UPP2: variants seen among roughly 807,000 people sequenced by gnomAD.
The protein encoded by UPP2 is uridine phosphorylase 2, also known as UPase 2.
UPP2 carries 23 observed loss-of-function variants against 26.7 expected under a neutral mutation model. That is an observed-to-expected ratio of 0.86 (90% CI 0.62 to 1.22). The LOEUF (loss-of-function observed/expected upper bound fraction) is 1.22. Among genes scored for constraint, UPP2 ranks in the 50% most tolerant of loss-of-function variants. The pLI is 0.00. For synonymous variants in UPP2, 127 were observed against 141.3 expected (o/e 0.90, Z 0.72); for missense variants, 387 against 396.7 (o/e 0.98, Z 0.21).
chr2:158,115,575 C>G (rs1205167258), intron 3 of UPP2, among the ~76,000 whole-genome samples: 1 of 152,168 alleles, frequency 6.6e-6, no homozygotes, highest in African/African-American at 2.4e-5. Context: ...CTATCCCTTA[C>G]CCAGCTTTGG....
At chr2:158,086,628 G>C (rs1476105197) in intron 3 of UPP2, among the ~76,000 whole-genome samples, 1 of 151,932 alleles carries the variant, frequency 6.6e-6, no homozygotes, top group Non-Finnish European at 1.5e-5. Flanking sequence ...AGATATTTAA[G>C]GCTATGAACT....
At chr2:158,024,525 G>A (rs567470209) in intron 3 of UPP2, among the ~76,000 whole-genome samples, 135 of 152,280 alleles carry the variant, frequency 8.9e-4, no homozygotes, top group African/African-American at 3.0e-3. Context: ...TCAATTTGAA[G>A]AGCTCAGAGA....
At chr2:158,025,210 A>T (rs1048444721) in intron 3 of UPP2, among the ~76,000 whole-genome samples, 5 of 152,000 alleles carry the variant, frequency 3.3e-5, no homozygotes, top group African/African-American at 1.2e-4. Context: ...TCAAAAAAAA[A>T]AAAAAAAAAG....
rs537539338 is a variant in UPP2, at chr2:158,004,888, C to T, written c.61+9629C>T. Among the ~76,000 whole-genome samples, 3 of 152,086 alleles carry T rather than the reference C, an allele frequency of 2.0e-5. No individual in the cohort carries two copies. In the South Asian group the frequency reaches 6.2e-4, roughly 32 times the overall value. ...TAAAATGCCTGGCATAAAGCCAGCC[C>T]CTTTGCAGATGCTTGATAAATAGAA... On this transcript the variant is annotated intron_variant, in intron 2 of 9. Transcript: ENST00000605860.
chr2:158,000,783 G>A (rs974436475), intron 2 of UPP2, among the ~76,000 whole-genome samples: 8 of 152,234 alleles, frequency 5.3e-5, no homozygotes, highest in African/African-American at 1.7e-4. Context: ...TGTGAAATGA[G>A]CTCCTTGCAG....
intron 3 of UPP2, among the ~76,000 whole-genome samples, chr2:158,024,121 C>A (rs567457202): frequency 4.8e-4 from 73 of 152,184 alleles, no homozygotes; most frequent in African/African-American, 1.7e-3. Context: ...AGGAGGGACC[C>A]CAGCAACCTG....
intron 6 of UPP2, 66 bp downstream of exon 6, chr2:158,123,961 G>A: frequency 6.4e-7 from 1 of 1,552,566 alleles, no homozygotes; most frequent in South Asian, 1.2e-5. Flanking sequence ...TACACCTTAG[G>A]AGAAGAAAAA....
At chr2:158,066,287 T>C (rs2105182810) in intron 3 of UPP2, among the ~76,000 whole-genome samples, 1 of 152,356 alleles carries the variant, frequency 6.6e-6, no homozygotes, top group South Asian at 2.1e-4. Flanking sequence ...AGATTCTTGC[T>C]GTTAGCATTT....
chr2:158,048,178 ATGGATTGCATTC>A (rs1184233280), intron 3 of UPP2, among the ~76,000 whole-genome samples: 37 of 152,240 alleles, frequency 2.4e-4, no homozygotes, highest in African/African-American at 8.4e-4. Flanking sequence ...AACTCTCCTC[ATGGATTGCATTC>A]TGTGTGGCTG....
At chr2:158,085,768 T>C (rs1044774333) in intron 3 of UPP2, among the ~76,000 whole-genome samples, 14 of 152,152 alleles carry the variant, frequency 9.2e-5, no homozygotes, top group Non-Finnish European at 1.5e-5. Flanking sequence ...ATCATGTGAT[T>C]TTTGTTTTTA....
intron 2 of UPP2, among the ~76,000 whole-genome samples, chr2:158,010,359 C>G (rs750583646): frequency 6.6e-6 from 1 of 152,106 alleles, no homozygotes; most frequent in African/African-American, 2.4e-5. Flanking sequence ...ATTTTCCTTT[C>G]CTTATTTTCT....
intron 3 of UPP2, 88 bp from the exon 4 acceptor site, chr2:158,117,736 C>A (rs1683471289): frequency 4.1e-6 from 4 of 984,834 alleles, no homozygotes; most frequent in African/African-American, 3.2e-5. Context: ...GTATCTGAGG[C>A]CTGTTAACTT....
At chr2:158,090,698 C>T (rs940696399) in intron 3 of UPP2, among the ~76,000 whole-genome samples, 1 of 152,122 alleles carries the variant, frequency 6.6e-6, no homozygotes, top group Non-Finnish European at 1.5e-5. Flanking sequence ...GACAACTTTC[C>T]TAACAGACAT....
At chr2:158,106,731 T>G (rs1683204986) in intron 2 of UPP2, among the ~76,000 whole-genome samples, 1 of 152,176 alleles carries the variant, frequency 6.6e-6, no homozygotes, top group African/African-American at 2.4e-5. Context: ...AAAATTGTAC[T>G]TCTGCATTAT....
At chr2:158,055,216 A>G (rs1682227960) in intron 3 of UPP2, among the ~76,000 whole-genome samples, 1 of 152,166 alleles carries the variant, frequency 6.6e-6, no homozygotes, top group Admixed American at 6.5e-5. Context: ...GCAGGGTATC[A>G]CATGGTGAGG....
At chr2:158,116,466 G>A (rs1683433811) in intron 3 of UPP2, among the ~76,000 whole-genome samples, 2 of 152,176 alleles carry the variant, frequency 1.3e-5, no homozygotes, top group Admixed American at 6.6e-5. Context: ...TCCTGTCTGG[G>A]AAAAAGACCT....
chr2:158,092,482 C>G (rs1264616701), intron 3 of UPP2, among the ~76,000 whole-genome samples: 1 of 152,120 alleles, frequency 6.6e-6, no homozygotes, highest in African/African-American at 2.4e-5. Context: ...ATCTGGAATT[C>G]TAGACCATGC....
At chr2:158,065,673 T>G in intron 3 of UPP2, 1 of 598,402 alleles carries the variant, frequency 1.7e-6, no homozygotes, top group East Asian at 3.4e-5. Flanking sequence ...TATGGAGTTT[T>G]CACAATAGAT....
At chr2:158,061,126 C>A (rs1054156173) in intron 3 of UPP2, among the ~76,000 whole-genome samples, 2 of 152,222 alleles carry the variant, frequency 1.3e-5, no homozygotes, top group Non-Finnish European at 2.9e-5. Flanking sequence ...TTAATTATAG[C>A]AACGGGCCAC....
Sources: gnomAD v4.1 joint callset for allele counts (sites outside exome capture counted in the v4.1 genomes callset) on GRCh38, gnomAD v4.1.1 for gene constraint, MANE v1.5 for transcripts, NCBI Gene and HGNC (gene_info 2026-07-23, HGNC 2026-07-21) for gene names.